Variants in NEMP2 observed in about 807,000 individuals in gnomAD.
The protein encoded by NEMP2 is UPF0571 transmembrane protein.
In NEMP2, 53 loss-of-function variants were observed where a neutral mutation model predicts 54.2. The observed-to-expected ratio is 0.98, with a 90% CI of 0.78 to 1.23. The LOEUF (loss-of-function observed/expected upper bound fraction) is 1.23. NEMP2 is among the 50% of genes most tolerant of loss of function. The probability of loss-of-function intolerance (pLI) is 0.00; values close to 1 mark genes in which losing one functional copy is unlikely to be tolerated. For missense variants in NEMP2, 455 were observed against 511.3 expected, an observed-to-expected ratio of 0.89 and a Z score of 1.06; for synonymous variants, 197 against 190.3, an observed-to-expected ratio of 1.04 and a Z score of -0.29.
the NEMP2 span, among the ~76,000 whole-genome samples, chr2:190,596,134 C>A: frequency 3.8e-3 from 576 of 152,248 alleles, 3 homozygotes; most frequent in African/African-American, 0.013. This position sits in a 1 kb window ranked among gnomAD's most constrained non-coding sequence, Gnocchi z 5.1. Flanking sequence ...TCATTCTCAG[C>A]AAACTGACAC....
At chr2:190,597,223 T>TCA in the NEMP2 span, among the ~76,000 whole-genome samples, 1 of 148,198 alleles carries the variant, frequency 6.7e-6, no homozygotes, top group East Asian at 2.0e-4. The surrounding 1 kb of genome is among the most constrained non-coding windows in gnomAD (Gnocchi z 4.7). Context: ...CATGATCATG[T>TCA]CACTGCACGC....
the NEMP2 span, among the ~76,000 whole-genome samples, chr2:190,495,335 A>G: frequency 6.6e-6 from 1 of 152,204 alleles, no homozygotes; most frequent in South Asian, 2.1e-4. The surrounding 1 kb of genome is among the most constrained non-coding windows in gnomAD (Gnocchi z 4.7). Context: ...AACACTGCTG[A>G]AAGAAATCAT....
the NEMP2 span, among the ~76,000 whole-genome samples, chr2:190,621,684 A>G: frequency 2.0e-5 from 3 of 152,218 alleles, no homozygotes; most frequent in Non-Finnish European, 4.4e-5. Flanking sequence ...CAGTAGTGGC[A>G]TAAGTATAGA....
chr2:190,534,081 G>A (rs1156734420), intron 1 of NEMP2: 1 of 985,886 alleles, frequency 1.0e-6, no homozygotes, highest in East Asian at 1.1e-4. Context: ...AAGAATTTTC[G>A]CTCCGATTCT....
At chr2:190,566,847 G>A in the NEMP2 span, among the ~76,000 whole-genome samples, 2 of 152,070 alleles carry the variant, frequency 1.3e-5, no homozygotes, top group East Asian at 1.9e-4. Context: ...ACAGATAACA[G>A]GTTTTCCATA....
chr2:190,575,977 A>AC, the NEMP2 span, among the ~76,000 whole-genome samples: 1 of 150,886 alleles, frequency 6.6e-6, no homozygotes, highest in African/African-American at 2.4e-5. Context: ...TTTCTGGTTT[A>AC]CTTTTTTTTT....
chr2:190,592,443 CAGATCTG>C, the NEMP2 span, among the ~76,000 whole-genome samples: 1 of 152,208 alleles, frequency 6.6e-6, no homozygotes, highest in Admixed American at 6.5e-5. The surrounding 1 kb of genome is among the most constrained non-coding windows in gnomAD (Gnocchi z 4.4). Flanking sequence ...GGATGCAAGG[CAGATCTG>C]AGTATTTTGG....
chr2:190,643,051 A>C, the NEMP2 span, among the ~76,000 whole-genome samples: 2 of 101,614 alleles, frequency 2.0e-5, no homozygotes, highest in African/African-American at 7.5e-5. Context: ...TTTTTGGGTC[A>C]AAAGAATCCC....
the NEMP2 span, among the ~76,000 whole-genome samples, chr2:190,546,323 G>T: frequency 2.6e-5 from 4 of 152,050 alleles, no homozygotes; most frequent in Admixed American, 1.3e-4. This position sits in a 1 kb window ranked among gnomAD's most constrained non-coding sequence, Gnocchi z 5.1. Flanking sequence ...ATTTGCTTGG[G>T]ATTTACATTG....
chr2:190,542,839 C>G, the NEMP2 span, among the ~76,000 whole-genome samples: 6 of 152,136 alleles, frequency 3.9e-5, no homozygotes, highest in African/African-American at 1.4e-4. This position sits in a 1 kb window ranked among gnomAD's most constrained non-coding sequence, Gnocchi z 4.6. Flanking sequence ...GTTTTGAATT[C>G]TTGGTCAGAA....
chr2:190,639,885 T>C, the NEMP2 span, among the ~76,000 whole-genome samples: 1 of 152,102 alleles, frequency 6.6e-6, no homozygotes, highest in Non-Finnish European at 1.5e-5. Flanking sequence ...CCTGACCTCA[T>C]GATCTGCCCA....
chr2:190,523,808 G>C lies in NEMP2; in HGVS notation c.213+1455C>G, dbSNP rs550345532. Among the ~76,000 whole-genome samples, 1 of 152,282 alleles carries C rather than the reference G, an allele frequency of 6.6e-6. No homozygotes were observed. Among genetic ancestry groups the C allele is most frequent in the East Asian group, 1.9e-4 (1 of 5,186 alleles). Reference sequence around the variant, plus strand: ...TAAATAATGAGAGTAATGGATTGTAGTTTCCTGAAATAACTGGCAATTTGT... The same window carrying C: ...TAAATAATGAGAGTAATGGATTGTACTTTCCTGAAATAACTGGCAATTTGT... On this transcript the variant is annotated intron_variant, in intron 2 of 8. Transcript: ENST00000409150. The surrounding 1 kb of genome is among the most constrained non-coding windows in gnomAD (Gnocchi z 5.3).
chr2:190,470,232 A>C, the NEMP2 span, among the ~76,000 whole-genome samples: 1 of 152,220 alleles, frequency 6.6e-6, no homozygotes. Context: ...TAGTTACTGA[A>C]AAAAAGATTG....
At chr2:190,601,800 C>T in the NEMP2 span, among the ~76,000 whole-genome samples, 1 of 152,048 alleles carries the variant, frequency 6.6e-6, no homozygotes. This position sits in a 1 kb window ranked among gnomAD's most constrained non-coding sequence, Gnocchi z 5.8. Flanking sequence ...ACTAACCTGA[C>T]CAAGTACTAA....
At chr2:190,635,549 T>A in the NEMP2 span, among the ~76,000 whole-genome samples, 2 of 152,340 alleles carry the variant, frequency 1.3e-5, no homozygotes, top group South Asian at 4.1e-4. This position sits in a 1 kb window ranked among gnomAD's most constrained non-coding sequence, Gnocchi z 4.1. Context: ...TTGATCAACA[T>A]CTTGTTTGTG....
chr2:190,578,846 T>C, the NEMP2 span, among the ~76,000 whole-genome samples: 1 of 152,022 alleles, frequency 6.6e-6, no homozygotes, highest in African/African-American at 2.4e-5. The surrounding 1 kb of genome is among the most constrained non-coding windows in gnomAD (Gnocchi z 4.4). Context: ...AAAGGAAAAT[T>C]GCCAGCTGCC....
chr2:190,567,514 G>A, the NEMP2 span, among the ~76,000 whole-genome samples: 18,426 of 152,084 alleles, frequency 0.12, 1,941 homozygotes, highest in African/African-American at 0.28. The surrounding 1 kb of genome is among the most constrained non-coding windows in gnomAD (Gnocchi z 4.0). Flanking sequence ...AATCCCAAAA[G>A]CTTTCAGAAG....
At chr2:190,488,573 C>A in the NEMP2 span, 1 of 1,178,268 alleles carries the variant, frequency 8.5e-7, no homozygotes, top group Non-Finnish European at 1.1e-6. The surrounding 1 kb of genome is among the most constrained non-coding windows in gnomAD (Gnocchi z 6.4). Context: ...AAAATAGGTG[C>A]CTAGTTAAAT....
At chr2:190,579,292 TG>T in the NEMP2 span, among the ~76,000 whole-genome samples, 3 of 151,566 alleles carry the variant, frequency 2.0e-5, no homozygotes, top group Admixed American at 6.6e-5. Flanking sequence ...GACACATGGG[TG>T]ACAGATTTTA....
Sources: allele counts gnomAD v4.1 joint callset (sites outside exome capture counted in the v4.1 genomes callset), GRCh38; gene constraint gnomAD v4.1.1; non-coding constraint Gnocchi (gnomAD v3.1); transcripts MANE v1.5; gene names NCBI Gene and HGNC (gene_info 2026-07-23, HGNC 2026-07-21).